SNX7: variants seen among roughly 807,000 people sequenced by gnomAD.
SNX7 encodes the protein sorting nexin 7.
SNX7 carries 35 observed loss-of-function variants against 48.4 expected under a neutral mutation model. The ratio of observed to expected loss-of-function variants is 0.72; its 90% CI spans 0.55 to 0.96. SNX7 has a LOEUF of 0.96. Ranked by LOEUF, SNX7 falls within the 40% of genes least tolerant of loss-of-function variation. The pLI, the probability that SNX7 is intolerant of heterozygous loss-of-function variation, is 0.00. For missense variants in SNX7, 553 were observed against 548.9 expected (o/e 1.01, Z -0.07); for synonymous variants, 190 against 190.2 (o/e 1.00, Z 0.01).
chr1:98,742,512 T>C (rs1179711829), intron 8 of SNX7, among the ~76,000 whole-genome samples: 1 of 152,148 alleles, frequency 6.6e-6, no homozygotes, highest in Non-Finnish European at 1.5e-5. Flanking sequence ...TAAAGGAATA[T>C]AGTTTATTCC....
At chr1:98,718,023 A>G (rs1284576215) in intron 7 of SNX7, among the ~76,000 whole-genome samples, 1 of 152,134 alleles carries the variant, frequency 6.6e-6, no homozygotes, top group African/African-American at 2.4e-5. Context: ...TATAATGGGC[A>G]CTCCATAAAT....
At chr1:98,729,252 A>G (rs1346457412) in intron 7 of SNX7, among the ~76,000 whole-genome samples, 1 of 152,138 alleles carries the variant, frequency 6.6e-6, no homozygotes, top group African/African-American at 2.4e-5. Context: ...GAAACAACGC[A>G]CCAGAATCTC....
intron 5 of SNX7, among the ~76,000 whole-genome samples, chr1:98,698,323 A>G (rs868717875): frequency 6.6e-6 from 1 of 152,180 alleles, no homozygotes; most frequent in African/African-American, 2.4e-5. Flanking sequence ...AGTAGAATAT[A>G]TAGTCAGAAG....
intron 8 of SNX7, among the ~76,000 whole-genome samples, chr1:98,744,217 A>AT (rs1654209694): frequency 6.6e-6 from 1 of 152,058 alleles, no homozygotes; most frequent in South Asian, 2.1e-4. Flanking sequence ...AAAGTAGCTT[A>AT]AAAAATTAGA....
intron 8 of SNX7, among the ~76,000 whole-genome samples, chr1:98,745,661 T>A (rs1286672734): frequency 1.3e-5 from 2 of 152,126 alleles, no homozygotes; most frequent in African/African-American, 4.8e-5. Context: ...TTACTCAGTC[T>A]AGCCATTTTT....
intron 7 of SNX7, among the ~76,000 whole-genome samples, chr1:98,721,017 C>G (rs12024020): frequency 6.6e-6 from 1 of 151,732 alleles, no homozygotes; most frequent in Admixed American, 6.6e-5. Flanking sequence ...ATCACATACT[C>G]CATCAAATAA....
chr1:98,699,772 CTT>C (rs1191313477), intron 6 of SNX7, among the ~76,000 whole-genome samples: 1 of 152,136 alleles, frequency 6.6e-6, no homozygotes, highest in Non-Finnish European at 1.5e-5. Context: ...CTGCCTCTCT[CTT>C]GTTGATCATG....
chr1:98,708,307 A>G (rs896460451), intron 7 of SNX7, among the ~76,000 whole-genome samples: 47 of 152,078 alleles, frequency 3.1e-4, no homozygotes, highest in African/African-American at 1.1e-3. Context: ...TTTTTCTTGC[A>G]TATTTCCTTT....
chr1:98,706,285 G>C (rs886266213), intron 7 of SNX7, among the ~76,000 whole-genome samples: 1 of 152,034 alleles, frequency 6.6e-6, no homozygotes, highest in Non-Finnish European at 1.5e-5. Flanking sequence ...TAGGATTAGG[G>C]GTCAGTAAAA....
intron 8 of SNX7, among the ~76,000 whole-genome samples, chr1:98,747,928 T>C (rs1360912454): frequency 6.6e-6 from 1 of 151,974 alleles, no homozygotes; most frequent in Non-Finnish European, 1.5e-5. Context: ...TTTTGAACCT[T>C]TTATTATGTG....
intron 7 of SNX7, among the ~76,000 whole-genome samples, chr1:98,703,222 T>C (rs1651841012): frequency 6.6e-6 from 1 of 152,126 alleles, no homozygotes; most frequent in South Asian, 2.1e-4. Flanking sequence ...TACTCTGATT[T>C]GTGCAAGCAT....
At chr1:98,675,170 A>G (rs1175992575) in intron 1 of SNX7, among the ~76,000 whole-genome samples, 2 of 152,182 alleles carry the variant, frequency 1.3e-5, no homozygotes, top group East Asian at 1.9e-4. Flanking sequence ...ATCAACCGCA[A>G]AAGGTTAAAT....
intron 8 of SNX7, among the ~76,000 whole-genome samples, chr1:98,746,847 G>GACTAGT (rs1654332001): frequency 6.6e-6 from 1 of 151,966 alleles, no homozygotes. Flanking sequence ...ATTCCGGGAG[G>GACTAGT]TAAATCTAAA....
intron 1 of SNX7, chr1:98,662,560 C>G (rs1649305277): frequency 2.0e-5 from 16 of 799,580 alleles, no homozygotes; most frequent in Non-Finnish European, 2.5e-5. Flanking sequence ...AAATTTAGGA[C>G]CAAAGGCTCT....
At position 98,662,607 on chromosome 1, in the gene SNX7, G is replaced by A. The variant is rs915929500; in HGVS notation, c.180+696G>A. On this transcript the variant is annotated intron_variant, in intron 1 of 8. Coordinates refer to ENST00000306121, the MANE Select transcript of SNX7 (RefSeq NM_015976.5). ...TTTACTGTTGGAGGGAAATTGACTT[G>A]TGGGGGCTAGTGGTAGACTTTTGGT... is the stretch of plus-strand genomic sequence containing the variant. 5 of 1,124,342 alleles carry A rather than the reference G, an allele frequency of 4.4e-6. No individual in the cohort carries two copies. In the South Asian group the frequency reaches 7.4e-5, roughly 17 times the overall value. The allele number at this position is 1,124,342 out of a possible 1,614,324, so 69.6% of individuals were successfully genotyped here.
rs572685042 is a variant in SNX7, at chr1:98,682,032, A to G, written c.181-2853A>G. Among the ~76,000 whole-genome samples, 13 of 152,216 alleles carry G rather than the reference A, an allele frequency of 8.5e-5. No individual in the cohort carries two copies. The South Asian group carries it at 2.7e-3, about 32-fold the overall frequency. ...TATAATTTATCTACAGATCTAACAT[A>G]GGCATGCTTCCTATCACATTTATGT... On this transcript the variant is annotated intron_variant, in intron 1 of 8. Transcript: ENST00000306121.
At chr1:98,675,758 C>T (rs1466742779) in intron 1 of SNX7, among the ~76,000 whole-genome samples, 1 of 152,138 alleles carries the variant, frequency 6.6e-6, no homozygotes, top group South Asian at 2.1e-4. Flanking sequence ...GCTGATTACA[C>T]ATTTATTTGG....
At chr1:98,745,590 T>C (rs1654272144) in intron 8 of SNX7, among the ~76,000 whole-genome samples, 5 of 152,074 alleles carry the variant, frequency 3.3e-5, no homozygotes, top group Admixed American at 3.3e-4. Flanking sequence ...TCCACTTACA[T>C]GTAGGCTATA....
At chr1:98,752,874 T>G (rs1654655351) in intron 8 of SNX7, among the ~76,000 whole-genome samples, 1 of 152,044 alleles carries the variant, frequency 6.6e-6, no homozygotes, top group Non-Finnish European at 1.5e-5. Flanking sequence ...GCCCCTGCAG[T>G]CAGGGTTTCT....
Sources: allele counts gnomAD v4.1 joint callset (sites outside exome capture counted in the v4.1 genomes callset), GRCh38; gene constraint gnomAD v4.1.1; transcripts MANE v1.5; gene names NCBI Gene and HGNC (gene_info 2026-07-23, HGNC 2026-07-21).